The following TUSC3 variants were observed in gnomAD, a reference collection of about 807,000 sequenced individuals.
The protein encoded by TUSC3 is tumor suppressor candidate 3, also known as dolichyl-diphosphooligosaccharide--protein glycosyltransferase subunit TUSC3.
A neutral mutation model predicts 44.8 loss-of-function variants in TUSC3; 45 were observed. The ratio of observed to expected loss-of-function variants is 1.00; its 90% CI spans 0.79 to 1.29. TUSC3 has a LOEUF of 1.29. Ranked by LOEUF, TUSC3 falls within the 50% of genes most tolerant of loss-of-function variation. The probability of loss-of-function intolerance (pLI) is 0.00; values close to 1 mark genes in which losing one functional copy is unlikely to be tolerated. For synonymous variants in TUSC3, 212 were observed against 152.9 expected (o/e 1.39, Z -2.85); for missense variants, 519 against 437.9 (o/e 1.19, Z -1.65).
chr8:15,531,448 C>T (rs978906213), intron 2 of TUSC3, among the ~76,000 whole-genome samples: 19 of 152,148 alleles, frequency 1.2e-4, no homozygotes, highest in African/African-American at 1.9e-4. Context: ...GACAGGGTTT[C>T]GCCACGTTGG....
chr8:15,543,863 C>T (rs1343155659), intron 1 of TUSC3, among the ~76,000 whole-genome samples: 2 of 150,218 alleles, frequency 1.3e-5, no homozygotes, highest in African/African-American at 4.9e-5. Flanking sequence ...GAAAATTTCC[C>T]AGGAAGAGAT....
chr8:15,565,307 AC>A (rs2129141415), intron 1 of TUSC3, among the ~76,000 whole-genome samples: 1 of 152,004 alleles, frequency 6.6e-6, no homozygotes, highest in Admixed American at 6.5e-5. Context: ...TGTTACAGAG[AC>A]CCTTACTATT....
the TUSC3 span, among the ~76,000 whole-genome samples, chr8:15,811,924 A>G: frequency 6.6e-6 from 1 of 151,764 alleles, no homozygotes; most frequent in Non-Finnish European, 1.5e-5. Flanking sequence ...AAAAAAAAAC[A>G]GTAATAAGTA....
chr8:15,723,547 T>C (rs1278366114), intron 6 of TUSC3, among the ~76,000 whole-genome samples: 2 of 152,130 alleles, frequency 1.3e-5, no homozygotes, highest in Non-Finnish European at 2.9e-5. Context: ...TTCAGGCAAA[T>C]CCAGAAAGAC....
intron 2 of TUSC3, among the ~76,000 whole-genome samples, chr8:15,635,011 A>G (rs774335597): frequency 1.6e-4 from 25 of 152,266 alleles, no homozygotes; most frequent in South Asian, 4.1e-4. Flanking sequence ...CAGTAAAACA[A>G]GAGAACTCAG....
chr8:15,425,238 T>C (rs1799789187), intron 1 of TUSC3, among the ~76,000 whole-genome samples: 1 of 152,094 alleles, frequency 6.6e-6, no homozygotes, highest in African/African-American at 2.4e-5. Flanking sequence ...GTGGAAAAAA[T>C]GACAAAGCAC....
chr8:15,690,693 G>C (rs534398119), intron 6 of TUSC3, among the ~76,000 whole-genome samples: 1 of 152,190 alleles, frequency 6.6e-6, no homozygotes, highest in South Asian at 2.1e-4. Context: ...GTAAGGAAGG[G>C]ATCCAGTTTC....
chr8:15,767,907 A>C (rs1812372868), downstream of TUSC3, among the ~76,000 whole-genome samples: 1 of 152,192 alleles, frequency 6.6e-6, no homozygotes, highest in Non-Finnish European at 1.5e-5. Context: ...ACTTTGGAGA[A>C]TAAGGAATTG....
chr8:15,576,167 G>C (rs968581327), intron 1 of TUSC3, among the ~76,000 whole-genome samples: 2 of 149,424 alleles, frequency 1.3e-5, no homozygotes, highest in Admixed American at 1.3e-4. Flanking sequence ...ATTCTTGCTT[G>C]TTTATGAGAG....
intron 1 of TUSC3, among the ~76,000 whole-genome samples, chr8:15,458,531 G>T (rs1273703883): frequency 6.6e-6 from 1 of 152,118 alleles, no homozygotes; most frequent in African/African-American, 2.4e-5. Flanking sequence ...AAGCCACTGA[G>T]CCCAGCCAGT....
chr8:15,665,499 T>C (rs1807617225), intron 5 of TUSC3, among the ~76,000 whole-genome samples: 1 of 151,396 alleles, frequency 6.6e-6, no homozygotes, highest in Admixed American at 6.6e-5. Context: ...TGTGTTATTT[T>C]ATTGTATATG....
intron 6 of TUSC3, among the ~76,000 whole-genome samples, chr8:15,722,624 T>G (rs943851497): frequency 6.6e-6 from 1 of 152,170 alleles, no homozygotes; most frequent in African/African-American, 2.4e-5. Flanking sequence ...GTTGTTTACC[T>G]GCCTGATTCA....
the TUSC3 span, among the ~76,000 whole-genome samples, chr8:15,784,840 A>T: frequency 6.6e-6 from 1 of 152,288 alleles, no homozygotes; most frequent in African/African-American, 2.4e-5. Flanking sequence ...CCTATTGCAC[A>T]GCAACTACAG....
intron 1 of TUSC3, among the ~76,000 whole-genome samples, chr8:15,420,150 A>G (rs1461978622): frequency 6.6e-6 from 1 of 152,114 alleles, no homozygotes; most frequent in Non-Finnish European, 1.5e-5. Context: ...TCACCTTTAG[A>G]GAGTTATATT....
At chr8:15,654,444 T>C (rs895064644) in intron 3 of TUSC3, among the ~76,000 whole-genome samples, 1 of 152,160 alleles carries the variant, frequency 6.6e-6, no homozygotes, top group Admixed American at 6.5e-5. Flanking sequence ...ATCACACTTA[T>C]TAGATACATT....
In TUSC3 at chr8:15,765,763, T is replaced by G. The variant is rs146317430; in HGVS notation, c.*1607T>G. On this transcript the variant is annotated 3_prime_UTR_variant, in exon 11 of 11. Transcript: ENST00000503731. ...GTTTATGGAAAAGCAATAGATGAAC[T>G]TAATCATTTGATCACTGCCTATCAC... The G allele has an allele frequency of 6.6e-6, 1 of 152,192 alleles. No homozygotes were observed. The allele number at this position is 152,192 out of a possible 1,614,324, so 9.4% of individuals were successfully genotyped here. A position where few individuals can be genotyped will look rare whatever the true frequency, so the allele number is the denominator to read the frequency against.
chr8:15,834,793 T>G, the TUSC3 span, among the ~76,000 whole-genome samples: 2 of 152,214 alleles, frequency 1.3e-5, no homozygotes, highest in Non-Finnish European at 2.9e-5. Flanking sequence ...ATGCTACCAT[T>G]TACATAGTAC....
chr8:15,841,551 T>A, the TUSC3 span, among the ~76,000 whole-genome samples: 1 of 152,138 alleles, frequency 6.6e-6, no homozygotes, highest in African/African-American at 2.4e-5. Flanking sequence ...TCTTGCTTTG[T>A]CTCCCAGGCT....
intron 10 of TUSC3, among the ~76,000 whole-genome samples, chr8:15,760,689 G>A (rs1812136121): frequency 6.6e-6 from 1 of 152,134 alleles, no homozygotes; most frequent in Non-Finnish European, 1.5e-5. Flanking sequence ...TTTATGTGTT[G>A]GCTGCTTTTG....
Sources: allele counts gnomAD v4.1 joint callset (sites outside exome capture counted in the v4.1 genomes callset), GRCh38; gene constraint gnomAD v4.1.1; transcripts MANE v1.5; gene names NCBI Gene and HGNC (gene_info 2026-07-23, HGNC 2026-07-21).